The following TASP1 variants were observed in gnomAD, a reference collection of about 807,000 sequenced individuals.
TASP1 encodes the protein taspase 1.
A neutral mutation model predicts 56.6 loss-of-function variants in TASP1; 16 were observed. The observed-to-expected ratio is 0.28, with a 90% CI of 0.19 to 0.43. The LOEUF is 0.43. Among genes scored for constraint, TASP1 ranks in the 20% least tolerant of loss-of-function variants. The probability of loss-of-function intolerance (pLI) is 1.00; values close to 1 mark genes in which losing one functional copy is unlikely to be tolerated. For synonymous variants in TASP1, 179 were observed against 184.2 expected (o/e 0.97, Z 0.23); for missense variants, 393 against 511.6 (o/e 0.77, Z 2.24).
intron 4 of TASP1, among the ~76,000 whole-genome samples, chr20:13,602,688 T>C (rs1158735250): frequency 6.6e-6 from 1 of 151,986 alleles, no homozygotes; most frequent in African/African-American, 2.4e-5. Context: ...GCAACCTAGA[T>C]CCCTCACATG....
the TASP1 span, among the ~76,000 whole-genome samples, chr20:13,163,316 C>T: frequency 6.9e-6 from 1 of 144,476 alleles, no homozygotes; most frequent in African/African-American, 2.6e-5. Context: ...TGCAGTGAGC[C>T]GAGATCATGC....
chr20:13,411,698 C>T (rs778005564), intron 13 of TASP1, among the ~76,000 whole-genome samples: 3 of 152,178 alleles, frequency 2.0e-5, no homozygotes, highest in Non-Finnish European at 4.4e-5. Flanking sequence ...CTAGAGAATT[C>T]TCCATTCTTA....
chr20:13,215,923 C>G, the TASP1 span, among the ~76,000 whole-genome samples: 1 of 152,192 alleles, frequency 6.6e-6, no homozygotes, highest in Non-Finnish European at 1.5e-5. Flanking sequence ...TTTCTCATTT[C>G]TGAGCACTGT....
At chr20:13,188,687 C>A in the TASP1 span, among the ~76,000 whole-genome samples, 1 of 152,110 alleles carries the variant, frequency 6.6e-6, no homozygotes, top group East Asian at 1.9e-4. Context: ...AAAGAACAAT[C>A]CTAATATTCA....
chr20:13,223,389 C>T, the TASP1 span, among the ~76,000 whole-genome samples: 1 of 152,116 alleles, frequency 6.6e-6, no homozygotes, highest in Non-Finnish European at 1.5e-5. Flanking sequence ...CAGAATTTAA[C>T]TCACTTAATT....
intron 11 of TASP1, among the ~76,000 whole-genome samples, chr20:13,448,083 C>T (rs2043477506): frequency 6.6e-6 from 1 of 152,096 alleles, no homozygotes; most frequent in African/African-American, 2.4e-5. Context: ...TCCATGTTTT[C>T]TATTTGTGCT....
the TASP1 span, among the ~76,000 whole-genome samples, chr20:13,323,742 A>C: frequency 6.6e-6 from 1 of 152,116 alleles, no homozygotes; most frequent in African/African-American, 2.4e-5. Context: ...GAGAGTATTT[A>C]GTATTTATCT....
the TASP1 span, among the ~76,000 whole-genome samples, chr20:13,375,761 T>C: frequency 1.3e-5 from 2 of 152,248 alleles, no homozygotes; most frequent in African/African-American, 4.8e-5. Context: ...TCCTGACTTC[T>C]TAATGATTGC....
At chr20:13,637,021 C>T (rs1182908608) in intron 1 of TASP1, among the ~76,000 whole-genome samples, 1 of 152,164 alleles carries the variant, frequency 6.6e-6, no homozygotes, top group Non-Finnish European at 1.5e-5. Context: ...AAGGGACTTA[C>T]ATTTAGAATA....
chr20:13,300,775 G>A, the TASP1 span: 1 of 152,232 alleles, frequency 6.6e-6, no homozygotes, highest in Non-Finnish European at 1.5e-5. Context: ...TGATTGACAT[G>A]ATTGTGGGTG....
At chr20:13,247,745 C>T in the TASP1 span, among the ~76,000 whole-genome samples, 208 of 152,124 alleles carry the variant, frequency 1.4e-3, 2 homozygotes, top group South Asian at 0.025. Context: ...AACCTGACCA[C>T]GACAGGAAGT....
chr20:13,562,601 G>C (rs556870028), intron 7 of TASP1, among the ~76,000 whole-genome samples: 1 of 152,166 alleles, frequency 6.6e-6, no homozygotes, highest in South Asian at 2.1e-4. Flanking sequence ...TATAGGCCAG[G>C]CACAGTGGCT....
the TASP1 span, among the ~76,000 whole-genome samples, chr20:13,219,245 CCTTAAAACTCT>C: frequency 6.6e-6 from 1 of 152,156 alleles, no homozygotes; most frequent in African/African-American, 2.4e-5. Context: ...TTAGAACAAT[CCTTAAAACTCT>C]TTGGCTGTGG....
At chr20:13,539,959 G>C (rs1176453920) in intron 8 of TASP1, among the ~76,000 whole-genome samples, 1 of 93,630 alleles carries the variant, frequency 1.1e-5, no homozygotes, top group Non-Finnish European at 2.8e-5. Context: ...TGATGGTAGA[G>C]ATCACACGAA....
the TASP1 span, among the ~76,000 whole-genome samples, chr20:13,169,559 A>C: frequency 6.6e-6 from 1 of 152,228 alleles, no homozygotes. Flanking sequence ...TGCCAGATGC[A>C]AGCTATCAGT....
At chr20:13,632,086 C>G (rs1295799301) in intron 1 of TASP1, among the ~76,000 whole-genome samples, 1 of 147,786 alleles carries the variant, frequency 6.8e-6, no homozygotes, top group Non-Finnish European at 1.5e-5. Flanking sequence ...ATTTTTTGGC[C>G]GGGCACAGTG....
intron 4 of TASP1, among the ~76,000 whole-genome samples, chr20:13,604,228 G>A (rs763285936): frequency 3.3e-4 from 50 of 152,118 alleles, no homozygotes; most frequent in Admixed American, 2.3e-3. Context: ...GACCTCCAAC[G>A]TTGGAGGTGG....
the TASP1 span, among the ~76,000 whole-genome samples, chr20:13,223,969 T>A: frequency 6.6e-6 from 1 of 151,992 alleles, no homozygotes; most frequent in Non-Finnish European, 1.5e-5. Flanking sequence ...AGTAAGGTAA[T>A]GAGAGAAGCA....
chr20:13,204,719 T>C, the TASP1 span, among the ~76,000 whole-genome samples: 2 of 152,094 alleles, frequency 1.3e-5, no homozygotes, highest in Admixed American at 1.3e-4. Flanking sequence ...TTCTTCCCAT[T>C]TGAACCCACT....
Sources: allele counts gnomAD v4.1 joint callset (sites outside exome capture counted in the v4.1 genomes callset), GRCh38; gene constraint gnomAD v4.1.1; transcripts MANE v1.5; gene names NCBI Gene and HGNC (gene_info 2026-07-23, HGNC 2026-07-21).